Variants in CRYM observed in about 807,000 individuals in gnomAD.
CRYM encodes ketimine reductase mu-crystallin.
A neutral mutation model predicts 32.9 loss-of-function variants in CRYM; 18 were observed. The observed-to-expected ratio is 0.55, with a 90% CI of 0.38 to 0.81. The LOEUF is 0.81. Ranked by LOEUF, CRYM falls within the 30% of genes least tolerant of loss-of-function variation. The probability of loss-of-function intolerance (pLI) is 0.00; values close to 1 mark genes in which losing one functional copy is unlikely to be tolerated. For missense variants in CRYM, 337 were observed against 393.5 expected, an observed-to-expected ratio of 0.86 and a Z score of 1.21; for synonymous variants, 153 against 152.4, an observed-to-expected ratio of 1.00 and a Z score of -0.03.
intron 1 of CRYM, among the ~76,000 whole-genome samples, chr16:21,291,126 T>G (rs1370930451): frequency 6.6e-6 from 1 of 152,242 alleles, no homozygotes; most frequent in Non-Finnish European, 1.5e-5. Context: ...TTTGTTATCC[T>G]GGGACAGTTC....
Position 21,290,511 on chromosome 16 carries a change from CTTCT to C in CRYM, c.-192-11555_-192-11552del, listed in dbSNP as rs1960617118. Among the ~76,000 whole-genome samples the C allele has an allele frequency of 2.0e-5, 3 of 152,250 alleles. No individual in the cohort carries two copies. In the South Asian group the frequency reaches 6.2e-4, roughly 32 times the overall value. ...TAACACTCACCGCAAGGGTCCGTGG[CTTCT>C]TTCTTGAAGTCAGCGAGACCAAGAA... On this transcript the variant is annotated intron_variant, in intron 1 of 9. Coordinates refer to the CRYM transcript ENST00000219599.
At chr16:21,266,054 T>C (rs545042233) in intron 5 of CRYM, among the ~76,000 whole-genome samples, 1 of 152,200 alleles carries the variant, frequency 6.6e-6, no homozygotes, top group South Asian at 2.1e-4. Context: ...TGAAACCCCA[T>C]CTCTACTAAA....
chr16:21,300,647 C>G lies in CRYM; in HGVS notation c.-193+2331G>C, dbSNP rs190428283. On this transcript the variant is annotated intron_variant, in intron 1 of 9. Coordinates refer to the CRYM transcript ENST00000219599. ...TGTTGGCTCCTTTCCCAGTTTGGGGCGGAGGATGTTCTATACAGTCCTGGA... is the reference window on the plus strand; with the variant it reads ...TGTTGGCTCCTTTCCCAGTTTGGGGGGGAGGATGTTCTATACAGTCCTGGA... The G allele has an allele frequency of 5.9e-5, 9 of 152,236 alleles. No homozygotes were observed. The East Asian group carries it at 1.5e-3, about 26-fold the overall frequency. The allele number at this position is 152,236 out of a possible 1,614,324, so 9.4% of individuals were successfully genotyped here.
At position 21,269,789 on chromosome 16, in the gene CRYM, C is replaced by T. The variant is rs2152862308; in HGVS notation, c.489+1G>A. ...TCTCCCACCCCCACCCCTGGACTTA[C>T]CTCCTTAAAGGAGAACTGCTCTGTG... On this transcript the variant is annotated splice_donor_variant, in intron 4 of 7. Transcript: ENST00000572914. LOFTEE classifies it high-confidence loss of function. The T allele has an allele frequency of 3.2e-6, 2 of 628,590 alleles. No individual in the cohort carries two copies. The highest frequency in any genetic ancestry group is 4.5e-5 in the East Asian group (1 of 22,344). 38.9% of individuals were successfully genotyped at this position (628,590 alleles called of 1,614,324 possible). A position where few individuals can be genotyped will look rare whatever the true frequency, so the allele number is the denominator to read the frequency against.
chr16:21,276,171 A>G (rs559403600), intron 2 of CRYM, among the ~76,000 whole-genome samples: 3 of 152,190 alleles, frequency 2.0e-5, no homozygotes, highest in Non-Finnish European at 4.4e-5. Context: ...AGTAAAAACC[A>G]TCCTCTGCAC....
At chr16:21,274,394 A>G (rs1210887017) in intron 3 of CRYM, among the ~76,000 whole-genome samples, 1 of 152,080 alleles carries the variant, frequency 6.6e-6, no homozygotes, top group African/African-American at 2.4e-5. Context: ...GATAATGTAA[A>G]ATGTGACAGC....
At chr16:21,264,758 G>C (rs1246239905) in intron 5 of CRYM, among the ~76,000 whole-genome samples, 1 of 152,184 alleles carries the variant, frequency 6.6e-6, no homozygotes, top group Non-Finnish European at 1.5e-5. Context: ...TCCAACATAA[G>C]GGAGATTGTC....
intron 6 of CRYM, chr16:21,261,674 G>A (rs532524808): frequency 8.3e-5 from 39 of 468,046 alleles, no homozygotes; most frequent in South Asian, 7.8e-4. Context: ...GTTTTATGCT[G>A]ATTATAACCG....
intron 3 of CRYM, among the ~76,000 whole-genome samples, chr16:21,270,930 C>A (rs1448147892): frequency 6.6e-6 from 1 of 152,148 alleles, no homozygotes. Context: ...CCTTTCTGAC[C>A]TCCTTGATAG....
chr16:21,272,484 C>A (rs762802362), intron 3 of CRYM, among the ~76,000 whole-genome samples: 30 of 152,116 alleles, frequency 2.0e-4, no homozygotes, highest in Non-Finnish European at 3.5e-4. Flanking sequence ...CCTTGCCATA[C>A]GATGCTAGGC....
intron 1 of CRYM, among the ~76,000 whole-genome samples, chr16:21,298,806 T>C (rs1407634720): frequency 1.3e-5 from 2 of 152,232 alleles, no homozygotes; most frequent in African/African-American, 4.8e-5. Context: ...AAATATCTCA[T>C]ATTTATTTGT....
rs1413100371 is a variant in CRYM at position 21,277,069 on chromosome 16, T to C, written c.324+362A>G. ...CAGGGATTATAGAACACCCCTTCTTTTCCATGTCGACAAGGATTCAGTAAG... is the reference window on the plus strand; with the variant it reads ...CAGGGATTATAGAACACCCCTTCTTCTCCATGTCGACAAGGATTCAGTAAG... On this transcript the variant is annotated intron_variant, in intron 2 of 7. Coordinates refer to ENST00000572914, the MANE Select transcript of CRYM (RefSeq NM_001376256.1). This position sits in a 1 kb window ranked among gnomAD's most constrained non-coding sequence, Gnocchi z 4.2. Among the ~76,000 whole-genome samples the C allele has an allele frequency of 2.6e-5, 4 of 152,194 alleles. No individual in the cohort carries two copies. Among genetic ancestry groups the C allele is most frequent in the Non-Finnish European group, 5.9e-5 (4 of 68,038 alleles).
upstream of CRYM, among the ~76,000 whole-genome samples, chr16:21,283,038 T>TC (rs138203902): frequency 5.4e-3 from 829 of 152,214 alleles, 40 homozygotes; most frequent in East Asian, 0.12. Flanking sequence ...AAATCTCTTT[T>TC]CCCCGCCCTT....
intron 1 of CRYM, among the ~76,000 whole-genome samples, chr16:21,293,976 A>G (rs528514325): frequency 6.6e-6 from 1 of 152,356 alleles, no homozygotes; most frequent in African/African-American, 2.4e-5. Flanking sequence ...GGGAAATAGT[A>G]ACTAAGTATC....
chr16:21,262,169 G>T lies in CRYM; in HGVS notation c.674-11C>A, dbSNP rs2152861319. ...TGCTGGCTCCAACAGCTAAGAGACA[G>T]CAAAACAGACCTTAAGCCCAGGATT... On this transcript the variant is annotated splice_polypyrimidine_tract_variant and intron_variant, in intron 5 of 7. Transcript: ENST00000572914. 2.5e-6 allele frequency: 4 copies of T among 1,613,878 alleles called. No homozygotes were observed. The highest frequency in any genetic ancestry group is 3.4e-6 in the Non-Finnish European group (4 of 1,179,842).
intron 1 of CRYM, among the ~76,000 whole-genome samples, chr16:21,292,780 A>G (rs115361368): frequency 2.3e-4 from 35 of 152,286 alleles, no homozygotes; most frequent in African/African-American, 7.9e-4. Flanking sequence ...GTTCAAAAAT[A>G]GATTCACACA....
intron 1 of CRYM, among the ~76,000 whole-genome samples, chr16:21,295,258 T>C (rs1281583936): frequency 6.6e-6 from 1 of 152,230 alleles, no homozygotes; most frequent in African/African-American, 2.4e-5. Flanking sequence ...TCTTCCACAG[T>C]GGTTGAACGA....
chr16:21,263,221 G>A (rs1597613715), intron 5 of CRYM, among the ~76,000 whole-genome samples: 1 of 152,044 alleles, frequency 6.6e-6, no homozygotes, highest in East Asian at 1.9e-4. Context: ...GGCCAACATG[G>A]TGAAACCCTG....
chr16:21,283,133 CAG>C (rs1276177571), upstream of CRYM, among the ~76,000 whole-genome samples: 2 of 152,160 alleles, frequency 1.3e-5, no homozygotes, highest in Non-Finnish European at 1.5e-5. Flanking sequence ...TAACCCCTAA[CAG>C]ACCCTGCGGA....
Sources: allele counts gnomAD v4.1 joint callset (sites outside exome capture counted in the v4.1 genomes callset), GRCh38; gene constraint gnomAD v4.1.1; non-coding constraint Gnocchi (gnomAD v3.1); transcripts MANE v1.5; gene names NCBI Gene and HGNC (gene_info 2026-07-23, HGNC 2026-07-21).